The following ARHGAP15 variants were observed in gnomAD, a reference collection of about 807,000 sequenced individuals.
ARHGAP15 encodes Rho GTPase activating protein 15.
ARHGAP15 carries 51 observed loss-of-function variants against 63.7 expected under a neutral mutation model. The observed-to-expected ratio is 0.80, with a 90% confidence interval of 0.64 to 1.01. The LOEUF (loss-of-function observed/expected upper bound fraction) is 1.01. Among genes scored for constraint, ARHGAP15 ranks in the 50% least tolerant of loss-of-function variants. The probability of loss-of-function intolerance (pLI) is 0.00; values close to 1 mark genes in which losing one functional copy is unlikely to be tolerated. For missense variants in ARHGAP15, 560 were observed against 564.6 expected (o/e 0.99, Z 0.08); for synonymous variants, 191 against 193.8 (o/e 0.99, Z 0.12).
intron 12 of ARHGAP15, among the ~76,000 whole-genome samples, chr2:143,670,235 A>T (rs1003751855): frequency 6.6e-6 from 1 of 152,066 alleles, no homozygotes; most frequent in African/African-American, 2.4e-5. Flanking sequence ...TATATCTTCT[A>T]CTTTTATTCC....
chr2:143,320,106 T>G (rs1450996145), intron 6 of ARHGAP15, among the ~76,000 whole-genome samples: 1 of 152,196 alleles, frequency 6.6e-6, no homozygotes, highest in East Asian at 1.9e-4. Context: ...TACCCAGTTC[T>G]TGGTAGGTAG....
intron 9 of ARHGAP15, among the ~76,000 whole-genome samples, chr2:143,509,786 G>A (rs191748247): frequency 7.9e-5 from 12 of 152,196 alleles, no homozygotes; most frequent in Admixed American, 3.3e-4. Context: ...ACCTTGGGAG[G>A]CCGAGGCAGG....
chr2:143,386,930 C>T (rs137988741), intron 6 of ARHGAP15, among the ~76,000 whole-genome samples: 2 of 151,868 alleles, frequency 1.3e-5, no homozygotes, highest in East Asian at 3.9e-4. Context: ...TGCATGTTCT[C>T]ACTTTTAAGT....
intron 6 of ARHGAP15, among the ~76,000 whole-genome samples, chr2:143,395,705 A>G (rs1210319899): frequency 6.6e-6 from 1 of 152,112 alleles, no homozygotes; most frequent in African/African-American, 2.4e-5. Context: ...TAGAAAAAGT[A>G]TCTCATTCAG....
chr2:143,554,168 T>C (rs755564703), intron 10 of ARHGAP15, among the ~76,000 whole-genome samples: 5 of 152,336 alleles, frequency 3.3e-5, no homozygotes, highest in East Asian at 1.9e-4. Context: ...TTAGAATTTC[T>C]CTTTTAGAGA....
At chr2:143,231,261 A>T (rs1196757149) in intron 5 of ARHGAP15, among the ~76,000 whole-genome samples, 2 of 152,126 alleles carry the variant, frequency 1.3e-5, no homozygotes, top group Non-Finnish European at 2.9e-5. Context: ...ATGCTATTAA[A>T]TACAGAAATA....
chr2:143,437,050 TTTTC>T lies in ARHGAP15; in HGVS notation c.703+12_703+15del. ...AGCACAGAAAATCTTTAAGTGAGTATTTTCTTTGACTTGCTCATTTTAAGTTTGT... is the reference window on the plus strand; with the variant it reads ...AGCACAGAAAATCTTTAAGTGAGTATTTTGACTTGCTCATTTTAAGTTTGT... On this transcript the variant is annotated intron_variant, in intron 8 of 13. Transcript: ENST00000295095. 1 of 1,590,060 alleles carries T rather than the reference TTTTC, an allele frequency of 6.3e-7. No homozygotes were observed. The highest frequency in any genetic ancestry group is 8.5e-7 in the Non-Finnish European group (1 of 1,173,742).
intron 6 of ARHGAP15, among the ~76,000 whole-genome samples, chr2:143,353,905 G>C (rs531162471): frequency 6.6e-6 from 1 of 152,158 alleles, no homozygotes; most frequent in African/African-American, 2.4e-5. Flanking sequence ...TATCATTGAA[G>C]TTTGTTGCCC....
chr2:143,690,450 C>A (rs1318243285), intron 12 of ARHGAP15, among the ~76,000 whole-genome samples: 1 of 152,152 alleles, frequency 6.6e-6, no homozygotes, highest in African/African-American at 2.4e-5. Context: ...CTGCCTATGG[C>A]TACTTCTTTA....
At chr2:143,410,846 T>A (rs1196005166) in intron 6 of ARHGAP15, among the ~76,000 whole-genome samples, 1 of 144,080 alleles carries the variant, frequency 6.9e-6, no homozygotes, top group Admixed American at 6.9e-5. Context: ...TATAGTTAGG[T>A]TTTGTTGATG....
chr2:143,231,217 A>G (rs1693423962), intron 5 of ARHGAP15, among the ~76,000 whole-genome samples: 1 of 152,064 alleles, frequency 6.6e-6, no homozygotes, highest in Non-Finnish European at 1.5e-5. Context: ...CAAATACATA[A>G]TGAACAAAAA....
intron 13 of ARHGAP15, among the ~76,000 whole-genome samples, chr2:143,746,479 C>A (rs1216836155): frequency 1.3e-5 from 2 of 152,230 alleles, no homozygotes; most frequent in Admixed American, 1.3e-4. Flanking sequence ...GTTGTTCTGA[C>A]TGCAGACAGA....
intron 12 of ARHGAP15, among the ~76,000 whole-genome samples, chr2:143,685,197 TG>T (rs139072814): frequency 0.07 from 10,623 of 152,088 alleles, 480 homozygotes; most frequent in Middle Eastern, 0.13. Context: ...AGGGTGACCA[TG>T]GGGGAGGCCT....
chr2:143,459,163 G>A (rs1690803275), intron 8 of ARHGAP15, among the ~76,000 whole-genome samples: 1 of 152,076 alleles, frequency 6.6e-6, no homozygotes, highest in African/African-American at 2.4e-5. Flanking sequence ...AAAACTTTAA[G>A]CAAGTCACAG....
intron 6 of ARHGAP15, among the ~76,000 whole-genome samples, chr2:143,346,672 C>T (rs1406030003): frequency 6.6e-6 from 1 of 152,112 alleles, no homozygotes; most frequent in Non-Finnish European, 1.5e-5. Flanking sequence ...CTGTCTGAGA[C>T]GATAGGCTTC....
intron 9 of ARHGAP15, among the ~76,000 whole-genome samples, chr2:143,507,518 T>G (rs1469001074): frequency 6.6e-6 from 1 of 152,226 alleles, no homozygotes; most frequent in African/African-American, 2.4e-5. Flanking sequence ...TTGGACTTCT[T>G]TTCTCATTTC....
chr2:143,452,221 G>C (rs779822178), intron 8 of ARHGAP15, among the ~76,000 whole-genome samples: 1 of 151,904 alleles, frequency 6.6e-6, no homozygotes. Flanking sequence ...GGAGGAATGC[G>C]GAAGAAATAG....
chr2:143,559,760 CCT>C (rs1236783459), intron 11 of ARHGAP15, among the ~76,000 whole-genome samples: 1 of 152,098 alleles, frequency 6.6e-6, no homozygotes, highest in Non-Finnish European at 1.5e-5. Flanking sequence ...CCTCTGTGGC[CCT>C]CTCTCTGTGT....
At position 143,481,513 on chromosome 2, in the gene ARHGAP15, T is replaced by C. The variant is rs544042882; in HGVS notation, c.704-5860T>C. 9.2e-5 allele frequency among the ~76,000 whole-genome samples: 14 copies of C among 152,270 alleles called. No individual in the cohort carries two copies. In the South Asian group the frequency reaches 2.9e-3, roughly 32 times the overall value. On this transcript the variant is annotated intron_variant, in intron 8 of 13. Coordinates refer to ENST00000295095, the MANE Select transcript of ARHGAP15 (RefSeq NM_018460.4). ...AAAATAAGGTCCCCAGAAAGAGATG[T>C]TCTGGCAGATGCACAATTTTGGATC... is the stretch of plus-strand genomic sequence containing the variant.
Sources: allele counts gnomAD v4.1 joint callset (sites outside exome capture counted in the v4.1 genomes callset), GRCh38; gene constraint gnomAD v4.1.1; transcripts MANE v1.5; gene names NCBI Gene and HGNC (gene_info 2026-07-23, HGNC 2026-07-21).